Variants in PGLYRP2 observed in about 807,000 individuals in gnomAD.
PGLYRP2 encodes peptidoglycan recognition protein 2, also known as N-acetylmuramoyl-L-alanine amidase.
A neutral mutation model predicts 46.2 loss-of-function variants in PGLYRP2; 38 were observed. The ratio of observed to expected loss-of-function variants is 0.82; its 90% CI spans 0.64 to 1.08. The LOEUF is 1.08. Ranked by LOEUF, PGLYRP2 falls within the 50% of genes least tolerant of loss-of-function variation. The pLI is 0.00. For synonymous variants in PGLYRP2, 289 were observed against 329.4 expected (o/e 0.88, Z 1.33); for missense variants, 713 against 755.9 (o/e 0.94, Z 0.67).
Position 15,468,697 on chromosome 19 carries a change from G to A in PGLYRP2, c.1697C>T (p.Pro566Leu), listed in dbSNP as rs1568339577. 1 of 1,613,220 alleles carries A rather than the reference G, an allele frequency of 6.2e-7. No individual in the cohort carries two copies. The highest frequency in any genetic ancestry group is 8.5e-7 in the Non-Finnish European group (1 of 1,179,610). The part of the protein sequence containing the change: ...SVSKRSRREP[P>L]PRTLPATDLQ ...GTCTGTGGCTGGCAGGGTCCTTGGGGGTGGCTCCCTCCTGGATCTCTTAGA... is the reference window on the plus strand; with the variant it reads ...GTCTGTGGCTGGCAGGGTCCTTGGGAGTGGCTCCCTCCTGGATCTCTTAGA... The change falls in exon 5 of 5, where the codon CCC (proline) becomes CTC (leucine). Residue 566 changes from proline (P) to leucine (L), a missense_variant. Transcript: ENST00000340880.
In PGLYRP2 at chr19:15,479,429, G is replaced by C. The variant is rs376070804; in HGVS notation, c.-58C>G. 7 of 1,539,906 alleles carry C rather than the reference G, an allele frequency of 4.5e-6. No homozygotes were observed. The South Asian group carries it at 4.6e-5, about 10-fold the overall frequency. On this transcript the variant is annotated 5_prime_UTR_variant, in exon 1 of 5. Coordinates refer to ENST00000340880, the MANE Select transcript of PGLYRP2 (RefSeq NM_052890.4). ...CTGGTTGGCCTCGGCAGAGAACCTC[G>C]GCAGTGCTGGAGGGAGACAGGCACA...
At position 15,469,772 on chromosome 19, in the gene PGLYRP2, C is replaced by A. The variant is rs766167788; in HGVS notation, c.1501G>T (p.Asp501Tyr). The part of the protein sequence containing the change: ...PTEAALRTVR[D>Y]TLPSCAVRAG... Reference sequence around the variant, plus strand: ...CGCACCGCACAACTCGGGAGCGTGTCGCGCACCGTGCGCAGAGCGGCCTCG... The same window carrying A: ...CGCACCGCACAACTCGGGAGCGTGTAGCGCACCGTGCGCAGAGCGGCCTCG... Residue 501 changes from aspartate (D) to tyrosine (Y), a missense_variant, in exon 4 of 5, where the codon GAC becomes TAC. Physicochemically the swap from Asp to Tyr is radical, Grantham distance 160 (BLOSUM62 -3). Coordinates refer to ENST00000340880, the MANE Select transcript of PGLYRP2 (RefSeq NM_052890.4). This position sits in a 1 kb window ranked among gnomAD's most constrained non-coding sequence, Gnocchi z 4.9. 12 of 1,508,498 alleles carry A rather than the reference C, an allele frequency of 8.0e-6. No individual in the cohort carries two copies. Among genetic ancestry groups the A allele is most frequent in the African/African-American group, 1.4e-5 (1 of 70,044 alleles). 93.4% of individuals were successfully genotyped at this position (1,508,498 alleles called of 1,614,324 possible). A position where few individuals can be genotyped will look rare whatever the true frequency, so the allele number is the denominator to read the frequency against.
chr19:15,469,618 C>A lies in PGLYRP2; in HGVS notation c.1641+14G>T. On this transcript the variant is annotated intron_variant, in intron 4 of 4. Coordinates refer to ENST00000340880, the MANE Select transcript of PGLYRP2 (RefSeq NM_052890.4). This position sits in a 1 kb window ranked among gnomAD's most constrained non-coding sequence, Gnocchi z 4.9. ...GGGGCGGCGGGCCGTGTAGTGCAGG[C>A]TGCGAAGACTCACCGCGGTGAAGTG... 6.3e-7 allele frequency: 1 copy of A among 1,574,886 alleles called. No homozygotes were observed.
rs747013105 is a variant in PGLYRP2 at position 15,468,701 on chromosome 19, G to T, written c.1693C>A (p.Pro565Thr). The T allele has an allele frequency of 6.2e-7, 1 of 1,612,806 alleles. No homozygotes were observed. The highest frequency in any genetic ancestry group is 8.5e-7 in the Non-Finnish European group (1 of 1,179,382). The change falls in exon 5 of 5, where the codon CCA becomes ACA. Residue 565 changes from proline to threonine, a missense_variant. Physicochemically the swap from Pro to Thr is conservative, Grantham distance 38. Coordinates refer to ENST00000340880, the MANE Select transcript of PGLYRP2 (RefSeq NM_052890.4). ...RSVSKRSRRE[P>T]PPRTLPATDL... ...GTGGCTGGCAGGGTCCTTGGGGGTGGCTCCCTCCTGGATCTCTTAGAGACA... is the reference window on the plus strand; with the variant it reads ...GTGGCTGGCAGGGTCCTTGGGGGTGTCTCCCTCCTGGATCTCTTAGAGACA...
rs772940652 is a variant in PGLYRP2, at chr19:15,469,949, G to T, written c.1344-20C>A. The T allele has an allele frequency of 7.1e-7, 1 of 1,400,720 alleles. No individual in the cohort carries two copies. Among genetic ancestry groups the T allele is most frequent in the Non-Finnish European group, 9.3e-7 (1 of 1,080,902 alleles). 86.8% of individuals were successfully genotyped at this position (1,400,720 alleles called of 1,614,324 possible). ...ACGAAACTGCAGAGGGGAGGGAGAA[G>T]CAAGCACCATGCGGCGTGAGGGGGA... On this transcript the variant is annotated intron_variant, in intron 3 of 4. Transcript: ENST00000340880. This position sits in a 1 kb window ranked among gnomAD's most constrained non-coding sequence, Gnocchi z 4.9.
intron 3 of PGLYRP2, 92 bp from the exon 4 acceptor site, chr19:15,470,021 G>T: frequency 2.3e-6 from 3 of 1,278,276 alleles, no homozygotes; most frequent in Non-Finnish European, 2.0e-6. Context: ...GGTGTGCCAA[G>T]GGCCACCGAC....
Position 15,471,904 on chromosome 19 carries a change from T to TCC in PGLYRP2, c.1327_1328dup (p.Asp444GlufsTer40). 1.2e-6 allele frequency: 2 copies of TCC among 1,613,870 alleles called. No individual in the cohort carries two copies. The highest frequency in any genetic ancestry group is 1.7e-6 in the Non-Finnish European group (2 of 1,179,896). On this transcript the variant is annotated frameshift_variant, in exon 3 of 5. Transcript: ENST00000340880. LOFTEE classifies it high-confidence loss of function. ...GCCCCTCCTACCTGTAGCCGATGTCTCCCCAGCCTTGCGTGTCCTGGTGGT... is the reference window on the plus strand; with the variant it reads ...GCCCCTCCTACCTGTAGCCGATGTCTCCCCCCAGCCTTGCGTGTCCTGGTGGT...
intron 1 of PGLYRP2, among the ~76,000 whole-genome samples, chr19:15,477,392 C>CAAA (rs34640786): frequency 4.7e-4 from 38 of 80,458 alleles, no homozygotes; most frequent in African/African-American, 1.4e-3. Context: ...GACTTTGTCT[C>CAAA]AAAAAAAAAA....
At chr19:15,476,927 A>G (rs139907233) in intron 1 of PGLYRP2, among the ~76,000 whole-genome samples, 2 of 152,268 alleles carry the variant, frequency 1.3e-5, no homozygotes, top group Non-Finnish European at 2.9e-5. Context: ...GGGTGCCAGG[A>G]TAGAAAAGGG....
Position 15,469,968 on chromosome 19 carries a change from A to G in PGLYRP2, c.1344-39T>C, listed in dbSNP as rs762859299. On this transcript the variant is annotated intron_variant, in intron 3 of 4. Transcript: ENST00000340880. This position sits in a 1 kb window ranked among gnomAD's most constrained non-coding sequence, Gnocchi z 4.9. ...GGAGAAGCAAGCACCATGCGGCGTGAGGGGGACCCGGGCCCTTATCCGCTC... is the reference window on the plus strand; with the variant it reads ...GGAGAAGCAAGCACCATGCGGCGTGGGGGGGACCCGGGCCCTTATCCGCTC... 2 of 1,380,328 alleles carry G rather than the reference A, an allele frequency of 1.4e-6. No individual in the cohort carries two copies. Among genetic ancestry groups the G allele is most frequent in the Non-Finnish European group, 9.3e-7 (1 of 1,070,310 alleles). 85.5% of individuals were successfully genotyped at this position (1,380,328 alleles called of 1,614,324 possible).
chr19:15,472,523 G>A (rs952543408), intron 2 of PGLYRP2, among the ~76,000 whole-genome samples: 2 of 152,094 alleles, frequency 1.3e-5, no homozygotes, highest in Non-Finnish European at 2.9e-5. Context: ...AGCCTGGGAG[G>A]TGGAGGTTGC....
rs768599727 is a variant in PGLYRP2 at position 15,472,063 on chromosome 19, C to A, written c.1170G>T (p.Ala390=). Residue 390 remains alanine, a synonymous_variant, in exon 3 of 5, where the codon GCG becomes GCT. Transcript: ENST00000340880. ...PAIHPRCRWG[A]APYRGRPKLL... ...GCTTCGGGCGGCCCCGATAAGGCGCCGCTCCCCAGCGGCAGCGGGGGTGGA... is the reference window on the plus strand; with the variant it reads ...GCTTCGGGCGGCCCCGATAAGGCGCAGCTCCCCAGCGGCAGCGGGGGTGGA... The A allele has an allele frequency of 1.2e-6, 2 of 1,607,156 alleles. No individual in the cohort carries two copies. Among genetic ancestry groups the A allele is most frequent in the Non-Finnish European group, 1.7e-6 (2 of 1,179,804 alleles).
At chr19:15,477,341 C>T (rs1296445139) in intron 1 of PGLYRP2, among the ~76,000 whole-genome samples, 2 of 142,282 alleles carry the variant, frequency 1.4e-5, no homozygotes, top group Admixed American at 7.6e-5. Flanking sequence ...TGCAGTGAGC[C>T]GAGATTGCGC....
intron 1 of PGLYRP2, among the ~76,000 whole-genome samples, chr19:15,478,163 A>G (rs538714280): frequency 1.3e-5 from 2 of 152,278 alleles, no homozygotes; most frequent in African/African-American, 4.8e-5. Context: ...CCTGGCCAAC[A>G]TGGTGAAACC....
Position 15,475,544 on chromosome 19 carries a change from A to G in PGLYRP2, c.1126T>C (p.Phe376Leu), listed in dbSNP as rs753439745. 3.1e-6 allele frequency: 5 copies of G among 1,593,468 alleles called. No homozygotes were observed. In the South Asian group the frequency reaches 4.5e-5, roughly 14 times the overall value. The change falls in exon 2 of 5, where the codon TTC becomes CTC. Residue 376 changes from phenylalanine (F) to leucine (L), a missense_variant. Coordinates refer to ENST00000340880, the MANE Select transcript of PGLYRP2 (RefSeq NM_052890.4). ...GTGTGGGGAACTTCCTCACCCAGGA[A>G]GGCCTCAGTGAATTCCTTGGTAGCA... ...ANATKEFTEA[F>L]LGCPAIHPRC...
Position 15,471,974 on chromosome 19 carries a change from G to C in PGLYRP2, c.1259C>G (p.Thr420Arg). 6.2e-7 allele frequency: 1 copy of C among 1,614,022 alleles called. No individual in the cohort carries two copies. Among genetic ancestry groups the C allele is most frequent in the African/African-American group, 1.3e-5 (1 of 75,068 alleles). Residue 420 changes from threonine to arginine, a missense_variant, in exon 3 of 5, where the codon ACG becomes AGG. Physicochemically the swap from Thr to Arg is moderately conservative, Grantham distance 71. Coordinates refer to ENST00000340880, the MANE Select transcript of PGLYRP2 (RefSeq NM_052890.4). The stretch of plus-strand genomic sequence containing the variant: ...GTTGGCTGCGCAGCGCGTGAAGTCC[G>C]TGCAGGGTGGTGCAGGCACGTAGGT... ...HHTYVPAPPC[T>R]DFTRCAANMR...
intron 3 of PGLYRP2, among the ~76,000 whole-genome samples, chr19:15,470,357 C>T (rs1429167499): frequency 6.7e-6 from 1 of 149,196 alleles, no homozygotes; most frequent in African/African-American, 2.5e-5. Context: ...AGTGCAAGGG[C>T]GCGATCTCGG....
In PGLYRP2 at chr19:15,476,080, G is replaced by C. The variant is rs139180046; in HGVS notation, c.590C>G (p.Pro197Arg). The C allele has an allele frequency of 1.1e-5, 17 of 1,614,084 alleles. No homozygotes were observed. The highest frequency in any genetic ancestry group is 1.6e-4 in the Middle Eastern group (1 of 6,084). ...ANTPDATKGC[P>R]DVQASLPDAK... ...ATCTGGCAAGGAAGCTTGGACATCT[G>C]GACAGCCTTTTGTAGCATCTGGAGT... is the stretch of plus-strand genomic sequence containing the variant. Residue 197 changes from proline to arginine, a missense_variant, in exon 2 of 5, where the codon CCA (proline) becomes CGA (arginine). By Grantham distance (103) the Pro-to-Arg change is moderately radical (BLOSUM62 -2). Transcript: ENST00000340880.
chr19:15,469,389 G>A lies in PGLYRP2; in HGVS notation c.1641+243C>T. 1 of 712,744 alleles carries A rather than the reference G, an allele frequency of 1.4e-6. No homozygotes were observed. The highest frequency in any genetic ancestry group is 2.5e-6 in the Non-Finnish European group (1 of 394,380). 44.2% of individuals were successfully genotyped at this position (712,744 alleles called of 1,614,324 possible). ...GGTATTAGGAGCTGGGGAAAGGACA[G>A]GCTGGCTGGGTCTGGGGCTGAGCTG... is the stretch of plus-strand genomic sequence containing the variant. On this transcript the variant is annotated intron_variant, in intron 4 of 4. Coordinates refer to ENST00000340880, the MANE Select transcript of PGLYRP2 (RefSeq NM_052890.4). This position sits in a 1 kb window ranked among gnomAD's most constrained non-coding sequence, Gnocchi z 4.9.
Sources: gnomAD v4.1 joint callset for allele counts (sites outside exome capture counted in the v4.1 genomes callset) on GRCh38, gnomAD v4.1.1 for gene constraint, Gnocchi (gnomAD v3.1) non-coding constraint, MANE v1.5 for transcripts, NCBI Gene and HGNC (gene_info 2026-07-23, HGNC 2026-07-21) for gene names.